Variants in C12orf42 observed in about 807,000 individuals in gnomAD.
C12orf42 encodes the protein uncharacterized protein C12orf42.
C12orf42 carries 25 observed loss-of-function variants against 21.6 expected under a neutral mutation model. That is an observed-to-expected ratio of 1.16 (90% CI 0.84 to 1.62). The LOEUF is 1.62. Among genes scored for constraint, C12orf42 ranks in the 40% most tolerant of loss-of-function variants. The probability of loss-of-function intolerance (pLI) is 0.00; values close to 1 mark genes in which losing one functional copy is unlikely to be tolerated. For missense variants in C12orf42, 483 were observed against 459.3 expected (o/e 1.05, Z -0.47); for synonymous variants, 174 against 175.0 (o/e 0.99, Z 0.05).
downstream of C12orf42, among the ~76,000 whole-genome samples, chr12:103,265,743 C>T (rs1412884628): frequency 2.6e-5 from 4 of 152,044 alleles, no homozygotes; most frequent in East Asian, 1.9e-4. Flanking sequence ...GTCAGCATCT[C>T]GTGGTAAAAT....
chr12:103,555,027 C>T, the C12orf42 span, among the ~76,000 whole-genome samples: 2 of 152,174 alleles, frequency 1.3e-5, no homozygotes, highest in South Asian at 2.1e-4. Context: ...AGGCTTCACC[C>T]TGCAGGGAAT....
chr12:103,085,837 C>T, the C12orf42 span, among the ~76,000 whole-genome samples: 1 of 152,126 alleles, frequency 6.6e-6, no homozygotes, highest in East Asian at 1.9e-4. Context: ...CTGGCACTAA[C>T]CCTGGTGTGA....
chr12:103,361,012 G>T (rs185678368), intron 4 of C12orf42, among the ~76,000 whole-genome samples: 1 of 152,260 alleles, frequency 6.6e-6, no homozygotes, highest in East Asian at 1.9e-4. Flanking sequence ...GGAAAAAAAT[G>T]TTGTATGGAG....
the C12orf42 span, among the ~76,000 whole-genome samples, chr12:103,114,646 A>G: frequency 6.6e-6 from 1 of 152,330 alleles, no homozygotes; most frequent in Non-Finnish European, 1.5e-5. Flanking sequence ...GTCCCCTTGC[A>G]TGAGAATGCA....
intron 4 of C12orf42, among the ~76,000 whole-genome samples, chr12:103,322,156 C>T (rs1437016579): frequency 4.0e-5 from 6 of 151,882 alleles, no homozygotes; most frequent in Admixed American, 6.5e-5. Context: ...CACACGCACA[C>T]GCACACAACT....
chr12:103,442,309 C>T lies in C12orf42; in HGVS notation c.78+36040G>A, dbSNP rs1428404488. Among the ~76,000 whole-genome samples, 7 of 152,170 alleles carry T rather than the reference C, an allele frequency of 4.6e-5. No individual in the cohort carries two copies. In the South Asian group the frequency reaches 1.4e-3, roughly 32 times the overall value. On this transcript the variant is annotated intron_variant, in intron 2 of 5. Transcript: ENST00000548883. ...AGCAAGGAGCGATACGATTGATGAT[C>T]TCACATCTACTTTTTGATCTCACAA...
chr12:103,246,170 A>T (rs1186944859), intron 10 of C12orf42, among the ~76,000 whole-genome samples: 1 of 152,096 alleles, frequency 6.6e-6, no homozygotes, highest in African/African-American at 2.4e-5. Flanking sequence ...TAGTAAACGG[A>T]AATAAACCAA....
chr12:103,323,979 T>G (rs2040431981), intron 4 of C12orf42, among the ~76,000 whole-genome samples: 1 of 152,220 alleles, frequency 6.6e-6, no homozygotes, highest in East Asian at 1.9e-4. Context: ...GAGAGTTCTA[T>G]ATAATGAAAT....
the C12orf42 span, among the ~76,000 whole-genome samples, chr12:103,175,365 C>T: frequency 1.3e-5 from 2 of 152,100 alleles, no homozygotes; most frequent in Non-Finnish European, 2.9e-5. Flanking sequence ...CACGGACAAA[C>T]CTACTATTCA....
At chr12:103,218,550 C>T in the C12orf42 span, among the ~76,000 whole-genome samples, 1 of 152,124 alleles carries the variant, frequency 6.6e-6, no homozygotes, top group Non-Finnish European at 1.5e-5. Flanking sequence ...AAATGCTTCA[C>T]TGGACTCTTG....
intron 3 of C12orf42, among the ~76,000 whole-genome samples, chr12:103,386,639 C>T (rs1265623279): frequency 2.6e-5 from 4 of 152,192 alleles, no homozygotes; most frequent in Non-Finnish European, 5.9e-5. Context: ...AGAGAGTTAG[C>T]ATGATCCAAA....
At chr12:103,364,335 G>A (rs964923534) in intron 4 of C12orf42, among the ~76,000 whole-genome samples, 1 of 151,978 alleles carries the variant, frequency 6.6e-6, no homozygotes, top group Non-Finnish European at 1.5e-5. Context: ...TCTGGATACA[G>A]CAAATATGAT....
At chr12:103,219,103 G>A in the C12orf42 span, among the ~76,000 whole-genome samples, 2 of 152,180 alleles carry the variant, frequency 1.3e-5, no homozygotes, top group East Asian at 3.9e-4. Context: ...AAGCCAGGGA[G>A]CCAAGTGGTC....
At chr12:103,456,498 G>A (rs1423313372) in intron 2 of C12orf42, among the ~76,000 whole-genome samples, 49 of 152,112 alleles carry the variant, frequency 3.2e-4, no homozygotes, top group Non-Finnish European at 4.4e-5. Flanking sequence ...AAAACCTTCT[G>A]TGCCTGCTTT....
At chr12:103,552,698 C>G in the C12orf42 span, among the ~76,000 whole-genome samples, 1 of 152,154 alleles carries the variant, frequency 6.6e-6, no homozygotes, top group Non-Finnish European at 1.5e-5. Context: ...TCCAGAGTTT[C>G]TCAACCTTGG....
chr12:103,302,056 A>C lies in C12orf42; in HGVS notation c.*52T>G. ...TGAGGCCCTTTCTGTTGTTCTGAGC[A>C]GGCATTGATTTGAAGATGGGCAGCA... is the stretch of plus-strand genomic sequence containing the variant. On this transcript the variant is annotated 3_prime_UTR_variant, in exon 6 of 6. Transcript: ENST00000548883. 2 of 1,546,724 alleles carry C rather than the reference A, an allele frequency of 1.3e-6. No individual in the cohort carries two copies. Among genetic ancestry groups the C allele is most frequent in the Non-Finnish European group, 1.8e-6 (2 of 1,136,670 alleles).
At chr12:103,547,179 C>G in the C12orf42 span, among the ~76,000 whole-genome samples, 1 of 152,216 alleles carries the variant, frequency 6.6e-6, no homozygotes, top group East Asian at 1.9e-4. Flanking sequence ...CAGTATGTTT[C>G]CTTCCCATGT....
At chr12:103,489,174 G>GT (rs1955026735) in intron 1 of C12orf42, among the ~76,000 whole-genome samples, 1 of 152,172 alleles carries the variant, frequency 6.6e-6, no homozygotes, top group African/African-American at 2.4e-5. Context: ...ATTCCTTTCT[G>GT]TTTTTTAGTT....
At chr12:103,054,149 T>G in the C12orf42 span, among the ~76,000 whole-genome samples, 1 of 151,904 alleles carries the variant, frequency 6.6e-6, no homozygotes, top group Non-Finnish European at 1.5e-5. Flanking sequence ...TGATAGTGAT[T>G]GCATTGAACC....
Sources: allele counts gnomAD v4.1 joint callset (sites outside exome capture counted in the v4.1 genomes callset), GRCh38; gene constraint gnomAD v4.1.1; transcripts MANE v1.5; gene names NCBI Gene and HGNC (gene_info 2026-07-23, HGNC 2026-07-21).